Variants in FRMPD3 observed in about 807,000 individuals in gnomAD.
FRMPD3 encodes FERM and PDZ domain-containing protein 3.
Under a neutral mutation model 97.9 loss-of-function variants are expected in FRMPD3, and 42 were observed. That is an observed-to-expected ratio of 0.43 (90% confidence interval 0.34 to 0.55). FRMPD3 has a LOEUF of 0.55. FRMPD3 is among the 20% of genes least tolerant of loss of function. FRMPD3 has a pLI of 0.03. For synonymous variants in FRMPD3, 577 were observed against 581.1 expected, an observed-to-expected ratio of 0.99 and a Z score of 0.10; for missense variants, 1,303 against 1,457.7, an observed-to-expected ratio of 0.89 and a Z score of 1.73.
At chrX:107,463,900 T>A (rs1258807100) in intron 1 of FRMPD3, among the ~76,000 whole-genome samples, 1 of 112,327 alleles carries the variant, frequency 8.9e-6, no homozygotes, top group Non-Finnish European at 1.9e-5. Context: ...GTATGGGGGA[T>A]GGTAAGATGT....
At chrX:107,462,026 A>G (rs1858270646) in intron 1 of FRMPD3, among the ~76,000 whole-genome samples, 1 of 109,271 alleles carries the variant, frequency 9.2e-6, no homozygotes. Context: ...CCTCTAACCA[A>G]CAAGCTCAAG....
At position 107,602,757 on chromosome X, in the gene FRMPD3, G is replaced by T. The variant is rs780888837; in HGVS notation, c.4718G>T (p.Ser1573Ile). 7.5e-5 allele frequency: 91 copies of T among 1,208,739 alleles called. No homozygotes were observed. The highest frequency in any genetic ancestry group is 1.0e-4 in the Non-Finnish European group (91 of 894,941). The change falls in exon 15 of 15, where the codon AGC (serine) becomes ATC (isoleucine). Residue 1573 changes from serine (S) to isoleucine (I), a missense_variant. By Grantham distance (142) the Ser-to-Ile change is moderately radical. Coordinates refer to ENST00000683843, the MANE Select transcript of FRMPD3 (RefSeq NM_001388459.1). The stretch of plus-strand genomic sequence containing the variant: ...CTCCGTGTGTCCACCTTCGAGGGGA[G>T]CCTGGCCAAGATCAATGCCCTGCGG... ...IDLRVSTFEG[S>I]LAKINALRAH...
chrX:107,554,073 T>C (rs1233836502), intron 7 of FRMPD3, among the ~76,000 whole-genome samples: 1 of 111,762 alleles, frequency 8.9e-6, no homozygotes, highest in Non-Finnish European at 1.9e-5. Flanking sequence ...AAGAGGAGTC[T>C]GAGCCATTGC....
At chrX:107,493,649 C>T (rs1412036062) in intron 1 of FRMPD3, among the ~76,000 whole-genome samples, 1 of 111,574 alleles carries the variant, frequency 9.0e-6, no homozygotes, top group Non-Finnish European at 1.9e-5. Flanking sequence ...TCAGATCTTG[C>T]GACTCATTTG....
rs182696755 is a variant in FRMPD3 at position 107,502,371 on chromosome X, A to G, written c.-7-24211A>G. Among the ~76,000 whole-genome samples the G allele has an allele frequency of 2.2e-3, 245 of 111,411 alleles. 3 individuals are homozygous for G. The highest frequency in any genetic ancestry group is 7.6e-3 in the African/African-American group (232 of 30,593). The stretch of plus-strand genomic sequence containing the variant: ...CAGGTGGGCCTGGGGGTCAGTCAGG[A>G]ACACCTGACAGCCCTTGGATGAGGA... On this transcript the variant is annotated intron_variant, in intron 1 of 14. Coordinates refer to ENST00000683843, the MANE Select transcript of FRMPD3 (RefSeq NM_001388459.1).
chrX:107,509,738 T>C (rs918647221), intron 1 of FRMPD3, among the ~76,000 whole-genome samples: 1 of 110,511 alleles, frequency 9.0e-6, no homozygotes. Context: ...GCATAGTCTC[T>C]TCTGTGCTTA....
At chrX:107,550,634 C>G (rs762296831) in intron 6 of FRMPD3, among the ~76,000 whole-genome samples, 4 of 111,536 alleles carry the variant, frequency 3.6e-5, no homozygotes, top group Non-Finnish European at 7.5e-5. Context: ...AAATGTCCAG[C>G]CACAGCCTCT....
At position 107,602,154 on chromosome X, in the gene FRMPD3, G is replaced by A; in HGVS notation, c.4115G>A (p.Cys1372Tyr). ...TCGGACCCTGAGAGTGGTGTTTCGT[G>A]CCTGACCACGTGTGCCTCGGGGGGC... ...CRSDPESGVS[C>Y]LTTCASGGEC... is the part of the protein sequence containing the mutation. Residue 1372 changes from cysteine (C) to tyrosine (Y), a missense_variant, in exon 15 of 15, where the codon TGC becomes TAC. By Grantham distance (194) the Cys-to-Tyr change is radical (BLOSUM62 -2). Around this residue, in one of 3 missense-constraint regions of FRMPD3, gnomAD observed 764 missense variants for 820.2 expected, o/e 0.93. Transcript: ENST00000683843. The A allele has an allele frequency of 8.3e-7, 1 of 1,211,072 alleles. No individual in the cohort carries two copies. The highest frequency in any genetic ancestry group is 1.1e-6 in the Non-Finnish European group (1 of 895,472).
At chrX:107,506,742 A>C (rs1190416111) in intron 1 of FRMPD3, among the ~76,000 whole-genome samples, 2 of 112,125 alleles carry the variant, frequency 1.8e-5, no homozygotes, top group Non-Finnish European at 3.8e-5. Flanking sequence ...GGTGAGAGGC[A>C]GCAGACGCCG....
chrX:107,598,392 A>C (rs1924321342), intron 14 of FRMPD3, among the ~76,000 whole-genome samples: 1 of 112,205 alleles, frequency 8.9e-6, no homozygotes, highest in African/African-American at 3.2e-5. Context: ...GATAGATCCC[A>C]GGGATTGGGG....
At chrX:107,520,319 T>C in intron 1 of FRMPD3, among the ~76,000 whole-genome samples, 1 of 110,646 alleles carries the variant, frequency 9.0e-6, no homozygotes, top group East Asian at 2.8e-4. Context: ...CAAATCCTCC[T>C]ACGAAGCCTA....
At chrX:107,464,845 A>T (rs771165408) in intron 1 of FRMPD3, among the ~76,000 whole-genome samples, 5 of 111,967 alleles carry the variant, frequency 4.5e-5, no homozygotes, top group African/African-American at 6.5e-5. Context: ...GAGCTACTGG[A>T]GGTCACTTTT....
chrX:107,508,345 C>T (rs904290903), intron 1 of FRMPD3, among the ~76,000 whole-genome samples: 2 of 111,958 alleles, frequency 1.8e-5, no homozygotes, highest in Non-Finnish European at 3.8e-5. Flanking sequence ...AAAGGCAAAC[C>T]GAGTGCGCTA....
intron 10 of FRMPD3, among the ~76,000 whole-genome samples, chrX:107,561,707 C>T (rs1017850707): frequency 1.8e-5 from 2 of 112,628 alleles, no homozygotes; most frequent in Non-Finnish European, 3.8e-5. Context: ...ATACATTCCT[C>T]CCATTCCAGA....
intron 4 of FRMPD3, among the ~76,000 whole-genome samples, chrX:107,537,455 G>A (rs1290287617): frequency 2.7e-5 from 3 of 111,784 alleles, no homozygotes; most frequent in Non-Finnish European, 5.6e-5. Flanking sequence ...TTGGAGCATA[G>A]AAGTGGACGA....
chrX:107,465,361 C>G (rs567890055), intron 1 of FRMPD3, among the ~76,000 whole-genome samples: 3 of 110,996 alleles, frequency 2.7e-5, no homozygotes, highest in African/African-American at 9.8e-5. Context: ...ATCCCGGCTA[C>G]TCAGGAGGCT....
At chrX:107,508,583 A>T (rs1160992155) in intron 1 of FRMPD3, among the ~76,000 whole-genome samples, 2 of 111,617 alleles carry the variant, frequency 1.8e-5, no homozygotes, top group Non-Finnish European at 1.9e-5. Context: ...AGCCCAGATC[A>T]CTAACTCCAG....
intron 1 of FRMPD3, among the ~76,000 whole-genome samples, chrX:107,474,555 T>C (rs927245037): frequency 2.7e-5 from 3 of 111,237 alleles, no homozygotes; most frequent in African/African-American, 9.8e-5. Context: ...AGAATTGTCA[T>C]ATAGGAAGAA....
At chrX:107,537,930 G>T (rs776540375) in intron 4 of FRMPD3, among the ~76,000 whole-genome samples, 1 of 111,669 alleles carries the variant, frequency 9.0e-6, no homozygotes, top group Non-Finnish European at 1.9e-5. Flanking sequence ...CACGTTCCCA[G>T]CCGAGGTCGG....
Sources: allele counts gnomAD v4.1 joint callset (sites outside exome capture counted in the v4.1 genomes callset), GRCh38; gene constraint gnomAD v4.1.1; regional missense constraint gnomAD v4.1.1; transcripts MANE v1.5; gene names NCBI Gene and HGNC (gene_info 2026-07-23, HGNC 2026-07-21).